Variants in CORO2B observed in about 807,000 individuals in gnomAD.
CORO2B encodes coronin-2B.
A neutral mutation model predicts 58.8 loss-of-function variants in CORO2B; 26 were observed. That is an observed-to-expected ratio of 0.44 (90% CI 0.32 to 0.61). The LOEUF (loss-of-function observed/expected upper bound fraction) is 0.61, where lower values mean the gene tolerates loss of function less well. CORO2B is among the 20% of genes least tolerant of loss of function. CORO2B has a pLI of 0.04. For missense variants in CORO2B, 460 were observed against 645.1 expected, an observed-to-expected ratio of 0.71 and a Z score of 3.11; for synonymous variants, 242 against 253.8, an observed-to-expected ratio of 0.95 and a Z score of 0.44.
intron 2 of CORO2B, among the ~76,000 whole-genome samples, chr15:68,678,981 G>A (rs1902679795): frequency 6.6e-6 from 1 of 152,256 alleles, no homozygotes; most frequent in African/African-American, 2.4e-5. Flanking sequence ...TGGCTTGACA[G>A]TAGGACCCAG....
chr15:68,554,712 A>T, the CORO2B span, among the ~76,000 whole-genome samples: 7 of 152,298 alleles, frequency 4.6e-5, no homozygotes, highest in South Asian at 1.5e-3. Flanking sequence ...TTCATTATAC[A>T]TGAGGAAACT....
At chr15:68,639,912 A>T (rs1473579929) in intron 1 of CORO2B, among the ~76,000 whole-genome samples, 1 of 152,184 alleles carries the variant, frequency 6.6e-6, no homozygotes, top group Non-Finnish European at 1.5e-5. Context: ...ATCTACCAGG[A>T]TCTGGGCAGG....
At chr15:68,673,637 A>C (rs1902475287) in intron 2 of CORO2B, among the ~76,000 whole-genome samples, 1 of 152,164 alleles carries the variant, frequency 6.6e-6, no homozygotes, top group Admixed American at 6.5e-5. Flanking sequence ...CAGGAGTTCG[A>C]GACCAGCTGG....
At chr15:68,648,885 C>G (rs368091613) in intron 2 of CORO2B, among the ~76,000 whole-genome samples, 3 of 152,216 alleles carry the variant, frequency 2.0e-5, no homozygotes, top group Non-Finnish European at 4.4e-5. Context: ...TGCATGTCTA[C>G]TGACCTAGCA....
chr15:68,597,489 A>C (rs1026469363), intron 1 of CORO2B, among the ~76,000 whole-genome samples: 3 of 152,216 alleles, frequency 2.0e-5, no homozygotes, highest in Admixed American at 2.0e-4. Flanking sequence ...CCCAGGTCAC[A>C]CAACGGAAAT....
chr15:68,658,701 C>T (rs1901912846), intron 2 of CORO2B, among the ~76,000 whole-genome samples: 2 of 152,242 alleles, frequency 1.3e-5, no homozygotes, highest in Non-Finnish European at 2.9e-5. Flanking sequence ...ATTCCTAAGA[C>T]CTACTCTTTG....
At chr15:68,609,863 T>G (rs973603228) in intron 1 of CORO2B, among the ~76,000 whole-genome samples, 3 of 151,824 alleles carry the variant, frequency 2.0e-5, no homozygotes, top group Non-Finnish European at 4.4e-5. Flanking sequence ...TGGGCTGGGG[T>G]AGGGGAGCAC....
intron 1 of CORO2B, among the ~76,000 whole-genome samples, chr15:68,633,469 C>G (rs554002783): frequency 6.6e-5 from 10 of 150,754 alleles, no homozygotes; most frequent in Non-Finnish European, 1.3e-4. Flanking sequence ...TGGTGAGGCC[C>G]CTTGAATTGT....
chr15:68,637,218 TTGTC>T (rs1483822361), intron 1 of CORO2B, among the ~76,000 whole-genome samples: 1 of 152,180 alleles, frequency 6.6e-6, no homozygotes, highest in African/African-American at 2.4e-5. Context: ...GCACCTCCCA[TTGTC>T]TGTTTGGCTT....
chr15:68,653,550 T>C (rs1901708899), intron 2 of CORO2B, among the ~76,000 whole-genome samples: 1 of 152,138 alleles, frequency 6.6e-6, no homozygotes, highest in African/African-American at 2.4e-5. Flanking sequence ...ATACAGGGGC[T>C]GCCCACACTG....
intron 2 of CORO2B, among the ~76,000 whole-genome samples, chr15:68,675,496 T>G (rs1195529793): frequency 2.0e-5 from 3 of 152,002 alleles, no homozygotes; most frequent in Non-Finnish European, 2.9e-5. Context: ...AGGTAGGAGG[T>G]GAAGTTGTAA....
chr15:68,707,053 C>A (rs1892802068), intron 3 of CORO2B, among the ~76,000 whole-genome samples: 1 of 152,128 alleles, frequency 6.6e-6, no homozygotes, highest in South Asian at 2.1e-4. Flanking sequence ...CTCCACCTCC[C>A]AGGTTCCAGC....
At chr15:68,575,555 C>T (rs1288129754), upstream of CORO2B, among the ~76,000 whole-genome samples, 9 of 135,742 alleles carry the variant, frequency 6.6e-5, no homozygotes, top group Admixed American at 3.1e-4. Flanking sequence ...AGGCTGGTCT[C>T]GAACTCCTGA....
At chr15:68,676,554 C>T (rs1902592836) in intron 2 of CORO2B, among the ~76,000 whole-genome samples, 1 of 152,228 alleles carries the variant, frequency 6.6e-6, no homozygotes, top group African/African-American at 2.4e-5. Context: ...CTGCTATTCT[C>T]AGAAAGCTGC....
Position 68,647,389 on chromosome 15 carries a change from T to A in CORO2B, c.216+2029T>A, listed in dbSNP as rs555097207. Among the ~76,000 whole-genome samples, 23 of 151,920 alleles carry A rather than the reference T, an allele frequency of 1.5e-4. 1 individual carries two copies. The South Asian group carries it at 4.4e-3, about 29-fold the overall frequency. On this transcript the variant is annotated intron_variant, in intron 2 of 11. Transcript: ENST00000261861. Reference sequence around the variant, plus strand: ...GAATATATAAAGAGTTCCAGAAAAATTAACAAGAAAAAGAACCCGACCGGA... The same window carrying A: ...GAATATATAAAGAGTTCCAGAAAAAATAACAAGAAAAAGAACCCGACCGGA...
intron 2 of CORO2B, among the ~76,000 whole-genome samples, chr15:68,687,299 C>G (rs1903016113): frequency 6.6e-6 from 1 of 152,242 alleles, no homozygotes; most frequent in African/African-American, 2.4e-5. Context: ...CCTCGCTAAG[C>G]TGATTCTCTA....
intron 2 of CORO2B, among the ~76,000 whole-genome samples, chr15:68,651,434 A>G (rs972634132): frequency 2.0e-5 from 3 of 152,212 alleles, no homozygotes; most frequent in Admixed American, 1.3e-4. Flanking sequence ...AAAGGGTCAG[A>G]TTATTTTAGC....
chr15:68,561,418 A>G, the CORO2B span, among the ~76,000 whole-genome samples: 1 of 148,438 alleles, frequency 6.7e-6, no homozygotes, highest in African/African-American at 2.5e-5. Context: ...AGCCCCACTC[A>G]GAGCAAGCAC....
At chr15:68,667,039 G>T (rs1902214766) in intron 2 of CORO2B, among the ~76,000 whole-genome samples, 1 of 151,974 alleles carries the variant, frequency 6.6e-6, no homozygotes, top group South Asian at 2.1e-4. Context: ...CGACAAACAG[G>T]CCCTAGGCTT....
Sources: allele counts gnomAD v4.1 joint callset (sites outside exome capture counted in the v4.1 genomes callset), GRCh38; gene constraint gnomAD v4.1.1; transcripts MANE v1.5; gene names NCBI Gene and HGNC (gene_info 2026-07-23, HGNC 2026-07-21).